Variants in FLT1 observed in about 807,000 individuals in gnomAD.
FLT1 encodes fms related receptor tyrosine kinase 1.
Under a neutral mutation model 156.3 loss-of-function variants are expected in FLT1, and 49 were observed. The ratio of observed to expected loss-of-function variants is 0.31; its 90% confidence interval spans 0.25 to 0.40. The LOEUF (loss-of-function observed/expected upper bound fraction) is 0.40. FLT1 is among the 10% of genes least tolerant of loss of function. The pLI, the probability that FLT1 is intolerant of heterozygous loss-of-function variation, is 1.00. For synonymous variants in FLT1, 594 were observed against 583.8 expected (o/e 1.02, Z -0.25); for missense variants, 1,322 against 1,637.2 (o/e 0.81, Z 3.32).
In FLT1 at chr13:28,433,923, G is replaced by C; in HGVS notation, c.709C>G (p.Pro237Ala). ...CCTCTAAGTAATTTGACTGGGCGTG[G>C]TGTGCTTATTTGGACATCTATGATT... is the stretch of plus-strand genomic sequence containing the variant. Reference protein sequence around the residue: ...NTIIDVQISTPRPVKLLRGHT... With the variant: ...NTIIDVQISTARPVKLLRGHT... Residue 237 changes from proline to alanine, a missense_variant, in exon 6 of 30, where the codon CCA becomes GCA. By Grantham distance (27) the Pro-to-Ala change is conservative (BLOSUM62 -1). This residue lies in a region of FLT1 where 991 missense variants were observed against 1,254.8 expected (regional missense o/e 0.79). Transcript: ENST00000282397. 6.2e-7 allele frequency: 1 copy of C among 1,614,096 alleles called. No homozygotes were observed. The highest frequency in any genetic ancestry group is 2.2e-5 in the East Asian group (1 of 44,876).
intron 1 of FLT1, among the ~76,000 whole-genome samples, chr13:28,477,324 G>T (rs569986394): frequency 7.2e-4 from 109 of 152,252 alleles, no homozygotes; most frequent in African/African-American, 2.5e-3. Context: ...AGTTAATTAA[G>T]GTTGGTTTGG....
intron 13 of FLT1, among the ~76,000 whole-genome samples, chr13:28,385,274 A>G (rs1874292176): frequency 6.6e-6 from 1 of 152,268 alleles, no homozygotes; most frequent in Admixed American, 6.5e-5. Flanking sequence ...TTAGATTTCA[A>G]TACAAAGGCT....
chr13:28,443,479 A>G (rs901269336), intron 3 of FLT1, among the ~76,000 whole-genome samples: 3 of 152,228 alleles, frequency 2.0e-5, no homozygotes, highest in Admixed American at 2.0e-4. Context: ...TGTGACTTGA[A>G]GAGGAGTTCA....
chr13:28,470,019 G>C (rs1880069447), intron 1 of FLT1, among the ~76,000 whole-genome samples: 1 of 152,156 alleles, frequency 6.6e-6, no homozygotes, highest in Non-Finnish European at 1.5e-5. Flanking sequence ...CTCCCAAAGT[G>C]TTGAGATTAG....
At chr13:28,401,816 T>C (rs1334336372) in intron 11 of FLT1, among the ~76,000 whole-genome samples, 1 of 152,198 alleles carries the variant, frequency 6.6e-6, no homozygotes, top group African/African-American at 2.4e-5. Flanking sequence ...TGGATTTGTC[T>C]CATACAGGAC....
chr13:28,444,041 A>G (rs1878474627), intron 3 of FLT1, among the ~76,000 whole-genome samples: 1 of 152,230 alleles, frequency 6.6e-6, no homozygotes, highest in African/African-American at 2.4e-5. Context: ...ACATATATGT[A>G]CCTAATAACA....
intron 10 of FLT1, among the ~76,000 whole-genome samples, chr13:28,423,190 C>T: frequency 6.6e-6 from 1 of 152,154 alleles, no homozygotes; most frequent in East Asian, 1.9e-4. Flanking sequence ...CAGCCCACCC[C>T]AGCCTCAGCC....
intron 14 of FLT1, among the ~76,000 whole-genome samples, chr13:28,362,680 A>C (rs1873154140): frequency 6.6e-6 from 1 of 152,064 alleles, no homozygotes; most frequent in Non-Finnish European, 1.5e-5. Context: ...AACAACAACA[A>C]CAAAAAACAG....
chr13:28,479,045 T>C (rs1880700886), intron 1 of FLT1, among the ~76,000 whole-genome samples: 1 of 152,238 alleles, frequency 6.6e-6, no homozygotes, highest in Non-Finnish European at 1.5e-5. Flanking sequence ...GTCCAAATTA[T>C]ATAGAAAACA....
At chr13:28,365,086 G>C (rs528773656) in intron 14 of FLT1, among the ~76,000 whole-genome samples, 1 of 152,078 alleles carries the variant, frequency 6.6e-6, no homozygotes, top group Non-Finnish European at 1.5e-5. Flanking sequence ...CCAATACTTT[G>C]ACGTACAAAA....
intron 10 of FLT1, among the ~76,000 whole-genome samples, chr13:28,412,695 A>C (rs945876501): frequency 8.8e-5 from 13 of 147,844 alleles, no homozygotes; most frequent in African/African-American, 3.3e-4. Context: ...TGCTGGGGTT[A>C]CAGGAGTGAG....
chr13:28,449,244 C>T (rs572318394), intron 3 of FLT1, among the ~76,000 whole-genome samples: 1 of 152,260 alleles, frequency 6.6e-6, no homozygotes, highest in East Asian at 1.9e-4. Context: ...GCACTCTGGC[C>T]TGGGCGACAG....
intron 14 of FLT1, among the ~76,000 whole-genome samples, chr13:28,377,316 A>G (rs1873877958): frequency 6.6e-6 from 1 of 152,166 alleles, no homozygotes; most frequent in Non-Finnish European, 1.5e-5. Context: ...GCTAACAACA[A>G]TTGAGAACTT....
intron 11 of FLT1, among the ~76,000 whole-genome samples, chr13:28,398,137 A>G (rs1479933223): frequency 6.6e-6 from 1 of 152,220 alleles, no homozygotes; most frequent in East Asian, 1.9e-4. Context: ...AAAAAATGAG[A>G]AAGCTAGTTT....
chr13:28,468,235 C>T (rs557856711), intron 1 of FLT1, among the ~76,000 whole-genome samples: 13 of 152,262 alleles, frequency 8.5e-5, no homozygotes, highest in South Asian at 8.3e-4. Context: ...GTTTGTCTTA[C>T]GTAATCTATG....
intron 10 of FLT1, 97 bp downstream of exon 10, chr13:28,427,062 A>C (rs959859095): frequency 3.5e-6 from 4 of 1,135,614 alleles, no homozygotes; most frequent in Non-Finnish European, 5.4e-6. Context: ...TATACAGTAC[A>C]TCCCACATGC....
intron 14 of FLT1, among the ~76,000 whole-genome samples, chr13:28,382,531 A>G (rs1387420772): frequency 1.3e-5 from 2 of 152,198 alleles, no homozygotes; most frequent in Non-Finnish European, 2.9e-5. Flanking sequence ...GGGAAGTGAC[A>G]TGTTCACAGC....
intron 10 of FLT1, among the ~76,000 whole-genome samples, chr13:28,425,885 G>A (rs1877310777): frequency 6.6e-6 from 1 of 152,114 alleles, no homozygotes; most frequent in South Asian, 2.1e-4. Context: ...CAGTGGTAAA[G>A]AAGATATTTA....
chr13:28,339,580 G>T (rs188895330), intron 16 of FLT1, among the ~76,000 whole-genome samples: 35 of 152,224 alleles, frequency 2.3e-4, no homozygotes, highest in Non-Finnish European at 2.4e-4. Flanking sequence ...CTTATGTGTT[G>T]TACTTGATCT....
Sources: allele counts gnomAD v4.1 joint callset (sites outside exome capture counted in the v4.1 genomes callset), GRCh38; gene constraint gnomAD v4.1.1; regional missense constraint gnomAD v4.1.1; transcripts MANE v1.5; gene names NCBI Gene and HGNC (gene_info 2026-07-23, HGNC 2026-07-21).